The following EXOC6B variants were observed in gnomAD, a reference collection of about 807,000 sequenced individuals.
EXOC6B encodes the protein exocyst complex component 6B.
A neutral mutation model predicts 113.5 loss-of-function variants in EXOC6B; 54 were observed. The ratio of observed to expected loss-of-function variants is 0.48; its 90% CI spans 0.38 to 0.60. The LOEUF (loss-of-function observed/expected upper bound fraction) is 0.60, where lower values mean the gene tolerates loss of function less well. Ranked by LOEUF, EXOC6B falls within the 20% of genes least tolerant of loss-of-function variation. The pLI is 0.00. For synonymous variants in EXOC6B, 357 were observed against 339.0 expected (o/e 1.05, Z -0.58); for missense variants, 797 against 977.5 (o/e 0.82, Z 2.46).
intron 6 of EXOC6B, among the ~76,000 whole-genome samples, chr2:72,714,488 C>T (rs369122980): frequency 6.6e-5 from 10 of 152,046 alleles, no homozygotes; most frequent in African/African-American, 1.9e-4. Flanking sequence ...TGCATAAAAA[C>T]GATAAGCTCA....
At position 72,737,280 on chromosome 2, in the gene EXOC6B, A is replaced by G. The variant is rs375851006; in HGVS notation, c.279+4024T>C. 3.3e-5 allele frequency among the ~76,000 whole-genome samples: 5 copies of G among 151,956 alleles called. No homozygotes were observed. The East Asian group carries it at 5.8e-4, about 18-fold the overall frequency. On this transcript the variant is annotated intron_variant, in intron 2 of 21. Transcript: ENST00000272427. ...AATCGCTTGAACCCAGGAGGCAGACATTGCAGTGAGCCAAGATTGTGCCAC... is the reference window on the plus strand; with the variant it reads ...AATCGCTTGAACCCAGGAGGCAGACGTTGCAGTGAGCCAAGATTGTGCCAC...
chr2:72,593,721 A>C (rs1334133322), intron 6 of EXOC6B, among the ~76,000 whole-genome samples: 1 of 152,120 alleles, frequency 6.6e-6, no homozygotes, highest in Admixed American at 6.6e-5. Flanking sequence ...TTAAGGAATC[A>C]AAGGCAAAAC....
chr2:72,711,912 T>C (rs959152675), intron 6 of EXOC6B, among the ~76,000 whole-genome samples: 1 of 152,170 alleles, frequency 6.6e-6, no homozygotes, highest in African/African-American at 2.4e-5. Context: ...AGTTTATGAA[T>C]TATTTCTGGA....
chr2:72,791,871 A>G (rs537832811), intron 1 of EXOC6B, among the ~76,000 whole-genome samples: 1 of 152,398 alleles, frequency 6.6e-6, no homozygotes, highest in East Asian at 1.9e-4. Context: ...ATAATTCAGC[A>G]GCCAGCCCTG....
intron 20 of EXOC6B, among the ~76,000 whole-genome samples, chr2:72,290,011 G>C (rs1020611494): frequency 3.3e-5 from 5 of 152,202 alleles, no homozygotes; most frequent in African/African-American, 1.2e-4. Context: ...CCTCTGAGCT[G>C]AGGCATCAGT....
intron 19 of EXOC6B, among the ~76,000 whole-genome samples, chr2:72,368,462 T>C (rs1393358051): frequency 6.6e-6 from 1 of 152,186 alleles, no homozygotes; most frequent in Non-Finnish European, 1.5e-5. Context: ...CCATTCCTTC[T>C]GAAACTATTC....
intron 18 of EXOC6B, among the ~76,000 whole-genome samples, chr2:72,389,664 A>G (rs529244229): frequency 1.0e-3 from 158 of 152,068 alleles, no homozygotes; most frequent in African/African-American, 3.7e-3. Context: ...TTCCTTGGTG[A>G]TGGTTCTTTT....
intron 7 of EXOC6B, among the ~76,000 whole-genome samples, chr2:72,565,194 T>G (rs574691022): frequency 1.8e-4 from 27 of 151,658 alleles, no homozygotes; most frequent in African/African-American, 5.1e-4. Context: ...TACAAAAAAT[T>G]GCAAAACTTA....
chr2:72,565,342 C>A (rs545847532), intron 7 of EXOC6B, among the ~76,000 whole-genome samples: 8 of 119,866 alleles, frequency 6.7e-5, no homozygotes, highest in African/African-American at 2.4e-4. Context: ...CAGAGTGAGA[C>A]CCTGTCTAAA....
At chr2:72,295,173 G>A (rs1376565499) in intron 20 of EXOC6B, among the ~76,000 whole-genome samples, 3 of 148,446 alleles carry the variant, frequency 2.0e-5, no homozygotes, top group Admixed American at 1.4e-4. Context: ...GGAGGTTTCA[G>A]TGAGCCGAGA....
intron 7 of EXOC6B, among the ~76,000 whole-genome samples, chr2:72,567,493 T>C (rs1399275867): frequency 6.6e-6 from 1 of 152,072 alleles, no homozygotes; most frequent in African/African-American, 2.4e-5. Flanking sequence ...AGTACTAGCT[T>C]TAACTCGTGA....
intron 20 of EXOC6B, among the ~76,000 whole-genome samples, chr2:72,208,743 T>A (rs1007823593): frequency 6.6e-6 from 1 of 152,100 alleles, no homozygotes; most frequent in Non-Finnish European, 1.5e-5. Context: ...AAACACCAGT[T>A]CCAAAGAGCT....
intron 1 of EXOC6B, among the ~76,000 whole-genome samples, chr2:72,758,516 C>T (rs536472941): frequency 5.8e-4 from 89 of 152,152 alleles, no homozygotes; most frequent in Non-Finnish European, 1.1e-3. Context: ...TGGTCCCCCT[C>T]CTCTCACATC....
At chr2:72,726,777 A>G (rs895432343) in intron 5 of EXOC6B, among the ~76,000 whole-genome samples, 2 of 152,192 alleles carry the variant, frequency 1.3e-5, no homozygotes, top group Non-Finnish European at 2.9e-5. Context: ...TAAGTCATAC[A>G]TTGTAAAGAT....
intron 6 of EXOC6B, among the ~76,000 whole-genome samples, chr2:72,652,858 A>C (rs1674293380): frequency 6.7e-6 from 1 of 150,050 alleles, no homozygotes; most frequent in African/African-American, 2.4e-5. Context: ...AAAAAGGAAA[A>C]ATTAGGACCA....
chr2:72,236,988 C>T (rs940295839), intron 20 of EXOC6B, among the ~76,000 whole-genome samples: 1 of 152,018 alleles, frequency 6.6e-6, no homozygotes, highest in Admixed American at 6.6e-5. Flanking sequence ...GATGACATTG[C>T]TATAAAATCT....
At chr2:72,556,770 T>C (rs892075386) in intron 8 of EXOC6B, among the ~76,000 whole-genome samples, 1 of 152,142 alleles carries the variant, frequency 6.6e-6, no homozygotes, top group African/African-American at 2.4e-5. Context: ...CTCAAAAGTT[T>C]AAACTTATAT....
intron 20 of EXOC6B, among the ~76,000 whole-genome samples, chr2:72,189,917 G>A (rs1270969569): frequency 8.3e-6 from 1 of 119,866 alleles, no homozygotes; most frequent in Non-Finnish European, 1.6e-5. Context: ...GGCTGTCACT[G>A]GGCTCACTGC....
chr2:72,653,837 A>G (rs1297100110), intron 6 of EXOC6B, among the ~76,000 whole-genome samples: 1 of 152,166 alleles, frequency 6.6e-6, no homozygotes, highest in African/African-American at 2.4e-5. Context: ...CTATGATTAC[A>G]GCAATGCTAC....
Sources: allele counts gnomAD v4.1 joint callset (sites outside exome capture counted in the v4.1 genomes callset), GRCh38; gene constraint gnomAD v4.1.1; transcripts MANE v1.5; gene names NCBI Gene and HGNC (gene_info 2026-07-23, HGNC 2026-07-21).